PLXNA2: variants seen among roughly 807,000 people sequenced by gnomAD.
The protein encoded by PLXNA2 is plexin-A2.
PLXNA2 carries 91 observed loss-of-function variants against 193.5 expected under a neutral mutation model. That is an observed-to-expected ratio of 0.47 (90% confidence interval 0.40 to 0.56). The LOEUF is 0.56. PLXNA2 is among the 20% of genes least tolerant of loss of function. PLXNA2 has a pLI of 0.00. For synonymous variants in PLXNA2, 997 were observed against 1,027.3 expected (o/e 0.97, Z 0.56); for missense variants, 1,995 against 2,503.2 (o/e 0.80, Z 4.33).
At chr1:208,185,824 T>C (rs1050833051) in intron 3 of PLXNA2, among the ~76,000 whole-genome samples, 1 of 151,324 alleles carries the variant, frequency 6.6e-6, no homozygotes, top group Non-Finnish European at 1.5e-5. Context: ...TGCAGTGGGA[T>C]CCAATGGCAC....
intron 1 of PLXNA2, among the ~76,000 whole-genome samples, chr1:208,239,180 A>G (rs1383443167): frequency 6.7e-6 from 1 of 148,874 alleles, no homozygotes; most frequent in African/African-American, 2.5e-5. Context: ...CACAAAAGCC[A>G]CTGTTTTGGG....
chr1:208,185,833 A>T (rs1669981536), intron 3 of PLXNA2, among the ~76,000 whole-genome samples: 1 of 151,798 alleles, frequency 6.6e-6, no homozygotes, highest in African/African-American at 2.4e-5. Flanking sequence ...ATCCAATGGC[A>T]CTTAGAGACA....
intron 3 of PLXNA2, among the ~76,000 whole-genome samples, chr1:208,194,900 T>A (rs1175574970): frequency 1.3e-5 from 2 of 152,196 alleles, no homozygotes; most frequent in African/African-American, 2.4e-5. Context: ...TCCTGCAGTG[T>A]CCTATGTGAC....
At chr1:208,053,676 G>A (rs1352520717) in intron 14 of PLXNA2, among the ~76,000 whole-genome samples, 1 of 152,216 alleles carries the variant, frequency 6.6e-6, no homozygotes, top group African/African-American at 2.4e-5. Context: ...TAGCAATGTA[G>A]GTGTCAGAAG....
chr1:208,099,049 G>A, intron 5 of PLXNA2, 80 bp from the exon 6 acceptor site: 1 of 1,544,368 alleles, frequency 6.5e-7, no homozygotes, highest in Non-Finnish European at 8.8e-7. Context: ...GGCAGGATGG[G>A]AGTTTGCTGC....
intron 9 of PLXNA2, among the ~76,000 whole-genome samples, chr1:208,092,171 C>A (rs1277538029): frequency 6.6e-6 from 1 of 152,204 alleles, no homozygotes; most frequent in East Asian, 1.9e-4. Context: ...GAAAGATAAG[C>A]AATTTGATAT....
At chr1:208,109,730 C>T (rs1460637478) in intron 4 of PLXNA2, among the ~76,000 whole-genome samples, 1 of 152,208 alleles carries the variant, frequency 6.6e-6, no homozygotes, top group South Asian at 2.1e-4. Flanking sequence ...TGACTGTTCG[C>T]TCTTCTCAGA....
chr1:208,051,004 C>T lies in PLXNA2; in HGVS notation c.3255+5G>A. 6.2e-7 allele frequency: 1 copy of T among 1,603,016 alleles called. No homozygotes were observed. Among genetic ancestry groups the T allele is most frequent in the Non-Finnish European group, 8.5e-7 (1 of 1,169,854 alleles). ...AAAGGCTGGGGCAGACCAACAGTTA[C>T]TCACATTGACAGATTCTTTGCCATT... On this transcript the variant is annotated splice_donor_5th_base_variant and intron_variant, in intron 17 of 31. Coordinates refer to ENST00000367033, the MANE Select transcript of PLXNA2 (RefSeq NM_025179.4).
chr1:208,106,510 C>T (rs1667275745), intron 4 of PLXNA2, among the ~76,000 whole-genome samples: 1 of 152,208 alleles, frequency 6.6e-6, no homozygotes, highest in South Asian at 2.1e-4. Flanking sequence ...CTGCCTGCAT[C>T]TGTGCTGCCC....
In PLXNA2 at chr1:208,060,286, G is replaced by A. The variant is rs192936545; in HGVS notation, c.2738+400C>T. Among the ~76,000 whole-genome samples the A allele has an allele frequency of 4.4e-4, 67 of 152,292 alleles. 1 individual carries two copies. In the East Asian group the frequency reaches 0.011, roughly 26 times the overall value. The stretch of plus-strand genomic sequence containing the variant: ...ATTTGCTCCAGCGGAGGCCCTGCTC[G>A]GATTAAGCTGCTGTCAGAGCCCCAC... On this transcript the variant is annotated intron_variant, in intron 13 of 31. Coordinates refer to ENST00000367033, the MANE Select transcript of PLXNA2 (RefSeq NM_025179.4).
intron 26 of PLXNA2, among the ~76,000 whole-genome samples, chr1:208,035,558 A>T (rs1664644723): frequency 6.6e-6 from 1 of 152,184 alleles, no homozygotes; most frequent in Non-Finnish European, 1.5e-5. Flanking sequence ...ATTTGGGGCC[A>T]TTTTGATTTA....
In PLXNA2 at chr1:208,084,374, T is replaced by C. The variant is rs760872022; in HGVS notation, c.2298+6A>G. 1.7e-5 allele frequency: 27 copies of C among 1,613,972 alleles called. No individual in the cohort carries two copies. Among genetic ancestry groups the C allele is most frequent in the Non-Finnish European group, 2.1e-5 (25 of 1,180,002 alleles). On this transcript the variant is annotated splice_donor_region_variant and intron_variant, in intron 10 of 31. Transcript: ENST00000367033. ...TCCAGGCAGGGCCCAGCCTGCGTTT[T>C]CTTACCGAGCTGTTCTGACACTGAA...
intron 1 of PLXNA2, among the ~76,000 whole-genome samples, chr1:208,242,116 T>C (rs1572069788): frequency 6.6e-6 from 1 of 152,280 alleles, no homozygotes; most frequent in East Asian, 1.9e-4. Context: ...TGCATAAAAG[T>C]TGTGCATTTC....
At chr1:208,071,244 T>C (rs1039876530) in intron 12 of PLXNA2, among the ~76,000 whole-genome samples, 1 of 152,246 alleles carries the variant, frequency 6.6e-6, no homozygotes, top group African/African-American at 2.4e-5. Flanking sequence ...CGGATGTTCA[T>C]ACTCTGTATT....
intron 4 of PLXNA2, among the ~76,000 whole-genome samples, chr1:208,135,167 TG>T (rs1286928680): frequency 6.8e-6 from 1 of 147,106 alleles, no homozygotes; most frequent in Non-Finnish European, 1.5e-5. Flanking sequence ...TAGGGGGTGG[TG>T]GGGGGTCTCT....
In PLXNA2 at chr1:208,030,103, A is replaced by G. The variant is rs1664453777; in HGVS notation, c.5226-1061T>C. The G allele has an allele frequency of 4.1e-6, 4 of 985,390 alleles. No individual in the cohort carries two copies. The South Asian group carries it at 1.4e-4, about 35-fold the overall frequency. 61.0% of individuals were successfully genotyped at this position (985,390 alleles called of 1,614,324 possible). A position where few individuals can be genotyped will look rare whatever the true frequency, so the allele number is the denominator to read the frequency against. The stretch of plus-strand genomic sequence containing the variant: ...TTACCCAGCCTCAAGCCCTTCCACG[A>G]TGATTTCTGCCTATCTTCCAAAACA... On this transcript the variant is annotated intron_variant, in intron 29 of 31. Transcript: ENST00000367033.
chr1:208,123,089 C>T (rs1196514253), intron 4 of PLXNA2, among the ~76,000 whole-genome samples: 1 of 152,186 alleles, frequency 6.6e-6, no homozygotes, highest in Non-Finnish European at 1.5e-5. Flanking sequence ...CTCCTGCCTG[C>T]CCCAGCCCTA....
At chr1:208,069,532 G>A (rs1049157014) in intron 12 of PLXNA2, among the ~76,000 whole-genome samples, 45 of 152,248 alleles carry the variant, frequency 3.0e-4, no homozygotes, top group Non-Finnish European at 2.9e-5. Context: ...ATTAATTACA[G>A]CTGGGGAGAT....
intron 3 of PLXNA2, among the ~76,000 whole-genome samples, chr1:208,196,334 T>C (rs1401098624): frequency 6.6e-6 from 1 of 151,960 alleles, no homozygotes. Flanking sequence ...GGTTTTATGT[T>C]AAAAAACAAA....
Sources: allele counts gnomAD v4.1 joint callset (sites outside exome capture counted in the v4.1 genomes callset), GRCh38; gene constraint gnomAD v4.1.1; transcripts MANE v1.5; gene names NCBI Gene and HGNC (gene_info 2026-07-23, HGNC 2026-07-21).